ADGB: variants seen among roughly 807,000 people sequenced by gnomAD.
ADGB encodes the protein androglobin, also known as calpain-7-like protein.
Under a neutral mutation model 210.5 loss-of-function variants are expected in ADGB, and 172 were observed. The observed-to-expected ratio is 0.82, with a 90% confidence interval of 0.72 to 0.93. ADGB has a LOEUF of 0.93. Ranked by LOEUF, ADGB falls within the 40% of genes least tolerant of loss-of-function variation. The probability of loss-of-function intolerance (pLI) is 0.00; values close to 1 mark genes in which losing one functional copy is unlikely to be tolerated. For synonymous variants in ADGB, 658 were observed against 662.7 expected (o/e 0.99, Z 0.11); for missense variants, 2,025 against 1,964.8 (o/e 1.03, Z -0.58).
intron 32 of ADGB, among the ~76,000 whole-genome samples, chr6:146,786,975 C>T (rs1280764023): frequency 1.3e-5 from 2 of 152,104 alleles, no homozygotes; most frequent in South Asian, 2.1e-4. Context: ...TTAAAACCAA[C>T]AGTCCAGGTG....
At chr6:146,623,827 A>G (rs1780934983) in intron 1 of ADGB, among the ~76,000 whole-genome samples, 2 of 151,998 alleles carry the variant, frequency 1.3e-5, no homozygotes, top group South Asian at 4.1e-4. Context: ...TTCTCCACAT[A>G]TTTAGATGAT....
intron 1 of ADGB, among the ~76,000 whole-genome samples, chr6:146,617,721 T>C (rs1453779716): frequency 1.3e-5 from 2 of 152,130 alleles, no homozygotes; most frequent in East Asian, 3.9e-4. Flanking sequence ...TCTTCTTGAT[T>C]CCATTGATGC....
At position 146,736,534 on chromosome 6, in the gene ADGB, A is replaced by G; in HGVS notation, c.2831A>G (p.Gln944Arg). The G allele has an allele frequency of 2.6e-6, 4 of 1,549,076 alleles. No individual in the cohort carries two copies. Among genetic ancestry groups the G allele is most frequent in the Non-Finnish European group, 3.5e-6 (4 of 1,145,688 alleles). ...KENISVADTLQKVWAVLEMNL... is the reference protein window; with the variant it reads ...KENISVADTLRKVWAVLEMNL... Reference sequence around the variant, plus strand: ...AATATCAGTGTTGCAGATACTCTTCAAAAAGTTTGGGCTGTATTGGAAATG... The same window carrying G: ...AATATCAGTGTTGCAGATACTCTTCGAAAAGTTTGGGCTGTATTGGAAATG... The change falls in exon 23 of 36, where the codon CAA becomes CGA. Residue 944 changes from glutamine to arginine, a missense_variant. Physicochemically the swap from Gln to Arg is conservative, Grantham distance 43. Transcript: ENST00000397944.
At chr6:146,658,536 G>T (rs1214027420) in intron 5 of ADGB, among the ~76,000 whole-genome samples, 1 of 152,138 alleles carries the variant, frequency 6.6e-6, no homozygotes, top group Non-Finnish European at 1.5e-5. Context: ...TTGAAACATT[G>T]AACCAACCCT....
intron 25 of ADGB, among the ~76,000 whole-genome samples, chr6:146,744,288 T>C (rs890500602): frequency 6.6e-6 from 1 of 152,164 alleles, no homozygotes; most frequent in Middle Eastern, 3.2e-3. Flanking sequence ...TTGTATAACT[T>C]AGCAATCTTA....
At chr6:146,733,833 G>A in intron 21 of ADGB, 60 bp from the exon 22 acceptor site, 1 of 1,543,188 alleles carries the variant, frequency 6.5e-7, no homozygotes, top group Non-Finnish European at 8.8e-7. Context: ...TGAAGGCGTT[G>A]AAACTTAGGG....
chr6:146,668,085 G>T (rs1322211803), intron 7 of ADGB, among the ~76,000 whole-genome samples: 1 of 152,002 alleles, frequency 6.6e-6, no homozygotes, highest in Non-Finnish European at 1.5e-5. Flanking sequence ...ATAATTTCAC[G>T]ATCGTTTTAT....
intron 10 of ADGB, among the ~76,000 whole-genome samples, chr6:146,690,330 T>C (rs1259507187): frequency 1.3e-5 from 2 of 152,220 alleles, no homozygotes; most frequent in Non-Finnish European, 2.9e-5. Flanking sequence ...GAAAAACAGT[T>C]ATTGACAAAA....
At chr6:146,715,502 C>A in intron 14 of ADGB, 87 bp downstream of exon 14, 1 of 867,746 alleles carries the variant, frequency 1.2e-6, no homozygotes, top group Non-Finnish European at 1.7e-6. Context: ...TCCCTTCTGG[C>A]TCTCAGCAGC....
chr6:146,734,146 C>A, intron 22 of ADGB, 116 bp downstream of exon 22: 2 of 1,026,076 alleles, frequency 1.9e-6, no homozygotes, highest in East Asian at 5.3e-5. Context: ...TTTCAGTCCT[C>A]TAAATAATGA....
intron 29 of ADGB, chr6:146,770,365 A>G (rs929224370): frequency 4.5e-6 from 1 of 222,510 alleles, no homozygotes; most frequent in African/African-American, 2.3e-5. Context: ...AAGAAAAGCT[A>G]TAAAAATGTA....
intron 35 of ADGB, among the ~76,000 whole-genome samples, chr6:146,814,336 G>T (rs2114680163): frequency 6.6e-6 from 1 of 152,216 alleles, no homozygotes; most frequent in African/African-American, 2.4e-5. Context: ...CAATTAATTT[G>T]GCCACTTCCC....
At chr6:146,812,179 A>AT (rs1165298007) in intron 35 of ADGB, among the ~76,000 whole-genome samples, 1 of 152,138 alleles carries the variant, frequency 6.6e-6, no homozygotes, top group Non-Finnish European at 1.5e-5. Context: ...TTAATAACAG[A>AT]TTTTTCCCCA....
rs535973584 is a variant in ADGB, at chr6:146,774,632, G to A, written c.3862+5501G>A. 6.6e-5 allele frequency among the ~76,000 whole-genome samples: 10 copies of A among 152,270 alleles called. No homozygotes were observed. In the South Asian group the frequency reaches 2.1e-3, roughly 31 times the overall value. ...AATTCAGAATAATTAAGTCTTTAATGTCATGTTTATAAATATTTAGTCAAT... is the reference window on the plus strand; with the variant it reads ...AATTCAGAATAATTAAGTCTTTAATATCATGTTTATAAATATTTAGTCAAT... On this transcript the variant is annotated intron_variant, in intron 29 of 35. Coordinates refer to ENST00000397944, the MANE Select transcript of ADGB (RefSeq NM_024694.4).
At chr6:146,771,736 G>A (rs982509642) in intron 29 of ADGB, among the ~76,000 whole-genome samples, 4 of 152,188 alleles carry the variant, frequency 2.6e-5, no homozygotes, top group Admixed American at 2.6e-4. Context: ...AAAGATTTAA[G>A]TGCAAATAAA....
At chr6:146,717,197 C>T (rs901626828) in intron 15 of ADGB, 128 bp downstream of exon 15, 23 of 747,850 alleles carry the variant, frequency 3.1e-5, no homozygotes, top group Non-Finnish European at 4.3e-5. Context: ...CCTATTAATT[C>T]TTAGCATCAT....
At chr6:146,624,196 G>A (rs1208633239) in intron 1 of ADGB, among the ~76,000 whole-genome samples, 1 of 151,662 alleles carries the variant, frequency 6.6e-6, no homozygotes, top group Non-Finnish European at 1.5e-5. Flanking sequence ...GAAGCCATCT[G>A]GGTCTGGAGT....
At chr6:146,724,583 C>T (rs988295579) in intron 18 of ADGB, 5 of 259,968 alleles carry the variant, frequency 1.9e-5, no homozygotes, top group African/African-American at 4.4e-5. Flanking sequence ...AACAATACTG[C>T]TTGAGCTTGT....
intron 35 of ADGB, chr6:146,803,847 G>A (rs1019458535): frequency 1.1e-5 from 4 of 380,452 alleles, no homozygotes; most frequent in Non-Finnish European, 1.9e-5. Flanking sequence ...ACGCGGCCGC[G>A]CGCGCGGCCT....
Sources: allele counts gnomAD v4.1 joint callset (sites outside exome capture counted in the v4.1 genomes callset), GRCh38; gene constraint gnomAD v4.1.1; transcripts MANE v1.5; gene names NCBI Gene and HGNC (gene_info 2026-07-23, HGNC 2026-07-21).